CDH13: variants seen among roughly 807,000 people sequenced by gnomAD.
The protein encoded by CDH13 is cadherin 13, also known as cadherin-13.
A neutral mutation model predicts 63.8 loss-of-function variants in CDH13; 24 were observed. The ratio of observed to expected loss-of-function variants is 0.38; its 90% CI spans 0.27 to 0.53. The LOEUF (loss-of-function observed/expected upper bound fraction) is 0.53. Among genes scored for constraint, CDH13 ranks in the 20% least tolerant of loss-of-function variants. CDH13 has a pLI of 0.85. For missense variants in CDH13, 1,049 were observed against 903.1 expected (o/e 1.16, Z -2.07); for synonymous variants, 503 against 355.3 (o/e 1.42, Z -4.67).
Position 83,719,290 on chromosome 16 carries a change from G to A in CDH13, c.1539-28818G>A, listed in dbSNP as rs75118010. Among the ~76,000 whole-genome samples the A allele has an allele frequency of 1.8e-3, 277 of 152,254 alleles. 1 individual carries two copies. Among genetic ancestry groups the A allele is most frequent in the South Asian group, 0.013 (64 of 4,826 alleles). ...CTGTCCACTGTTGAGGGACCACTGC[G>A]TACCAGACCCTATGTGGGATCTGTG... On this transcript the variant is annotated intron_variant, in intron 10 of 13. Transcript: ENST00000567109.
intron 2 of CDH13, among the ~76,000 whole-genome samples, chr16:82,877,106 G>A (rs1205638034): frequency 6.6e-6 from 1 of 152,196 alleles, no homozygotes; most frequent in East Asian, 1.9e-4. Context: ...CCAGAAGATG[G>A]AAGTCAGAAT....
intron 8 of CDH13, among the ~76,000 whole-genome samples, chr16:83,658,246 C>T (rs1408480941): frequency 2.3e-5 from 3 of 129,190 alleles, no homozygotes; most frequent in South Asian, 2.7e-4. Context: ...CAGCAAGGTC[C>T]CATGTCCTCA....
chr16:83,319,840 A>G (rs1168592248), intron 5 of CDH13, among the ~76,000 whole-genome samples: 2 of 152,222 alleles, frequency 1.3e-5, no homozygotes, highest in Non-Finnish European at 2.9e-5. Flanking sequence ...ATTTCAGGGG[A>G]TAAGTGAACA....
intron 7 of CDH13, among the ~76,000 whole-genome samples, chr16:83,507,250 C>T (rs532071723): frequency 1.3e-5 from 2 of 152,160 alleles, no homozygotes; most frequent in African/African-American, 2.4e-5. Context: ...ATTTTTATTA[C>T]AGTCTCTCTC....
chr16:83,062,085 G>C (rs145420176), intron 3 of CDH13, among the ~76,000 whole-genome samples: 1 of 152,314 alleles, frequency 6.6e-6, no homozygotes, highest in African/African-American at 2.4e-5. Context: ...ATGGAGTGCT[G>C]TGGCCTCTCT....
intron 2 of CDH13, among the ~76,000 whole-genome samples, chr16:82,976,169 A>G (rs1247438914): frequency 6.6e-6 from 1 of 152,212 alleles, no homozygotes. Context: ...GGAGACAGTC[A>G]AAGACTCTTC....
At chr16:83,062,135 A>G (rs578060578) in intron 3 of CDH13, among the ~76,000 whole-genome samples, 2 of 152,350 alleles carry the variant, frequency 1.3e-5, no homozygotes, top group South Asian at 2.1e-4. Context: ...CTGGAAAGAC[A>G]GAGCCTGCTC....
At chr16:83,068,327 T>C (rs1018212594) in intron 3 of CDH13, among the ~76,000 whole-genome samples, 2 of 152,182 alleles carry the variant, frequency 1.3e-5, no homozygotes, top group Non-Finnish European at 2.9e-5. Flanking sequence ...CTAGAATAAC[T>C]GAGGCTTATG....
At chr16:83,526,647 C>T (rs571837366) in intron 7 of CDH13, among the ~76,000 whole-genome samples, 2 of 152,266 alleles carry the variant, frequency 1.3e-5, no homozygotes, top group African/African-American at 4.8e-5. Flanking sequence ...GTCCGTGGCC[C>T]GGGGGCTGGC....
chr16:83,431,319 G>A (rs183061380), intron 6 of CDH13, among the ~76,000 whole-genome samples: 8 of 151,964 alleles, frequency 5.3e-5, no homozygotes, highest in South Asian at 2.1e-4. Context: ...AGTTGGCTGC[G>A]TTGAGGAGAC....
intron 7 of CDH13, among the ~76,000 whole-genome samples, chr16:83,497,073 G>C (rs571870352): frequency 5.9e-5 from 9 of 152,282 alleles, no homozygotes; most frequent in South Asian, 2.1e-4. Flanking sequence ...GGACTGTAAA[G>C]TAGTTCAACC....
intron 7 of CDH13, among the ~76,000 whole-genome samples, chr16:83,536,634 T>C (rs923688708): frequency 3.3e-5 from 5 of 152,128 alleles, no homozygotes; most frequent in Non-Finnish European, 5.9e-5. Context: ...TTAAGTTATA[T>C]GGAGATATAT....
intron 10 of CDH13, chr16:83,725,863 A>G (rs1443469816): frequency 6.6e-6 from 1 of 152,244 alleles, no homozygotes; most frequent in Non-Finnish European, 1.5e-5. Context: ...GTGGGCCGTA[A>G]ATCAGCTCCT....
intron 6 of CDH13, among the ~76,000 whole-genome samples, chr16:83,384,727 T>A (rs17212733): frequency 3.3e-5 from 5 of 152,144 alleles, no homozygotes; most frequent in Non-Finnish European, 4.4e-5. Context: ...AAAGGCCTCA[T>A]GTGGATCAAT....
chr16:83,007,777 T>C (rs957095486), intron 2 of CDH13, among the ~76,000 whole-genome samples: 1 of 148,332 alleles, frequency 6.7e-6, no homozygotes, highest in African/African-American at 2.5e-5. Context: ...TGAGCTAAGA[T>C]CACACCACTG....
At chr16:83,742,384 G>C (rs780837241) in intron 10 of CDH13, among the ~76,000 whole-genome samples, 2 of 152,110 alleles carry the variant, frequency 1.3e-5, no homozygotes, top group African/African-American at 2.4e-5. Flanking sequence ...AGCAGCTTCT[G>C]TGAAGCTACA....
chr16:83,264,190 T>C (rs951888424), intron 5 of CDH13, among the ~76,000 whole-genome samples: 1 of 152,198 alleles, frequency 6.6e-6, no homozygotes, highest in Non-Finnish European at 1.5e-5. Context: ...GAATACATTT[T>C]TTTTCATCCA....
intron 7 of CDH13, among the ~76,000 whole-genome samples, chr16:83,519,967 C>T (rs1045199901): frequency 6.6e-6 from 1 of 152,044 alleles, no homozygotes; most frequent in African/African-American, 2.4e-5. Context: ...CAGGTAAAAA[C>T]AGCAAATCAT....
rs549038009 is a variant in CDH13 at position 82,679,996 on chromosome 16, A to G, written c.45+52859A>G. 2.0e-5 allele frequency among the ~76,000 whole-genome samples: 3 copies of G among 152,326 alleles called. No individual in the cohort carries two copies. The South Asian group carries it at 6.2e-4, about 32-fold the overall frequency. ...AAGAAGGACAAGGAAGACCACCACC[A>G]TAACACACGGGTCTTCTTTGGAATG... On this transcript the variant is annotated intron_variant, in intron 1 of 13. Coordinates refer to ENST00000567109, the MANE Select transcript of CDH13 (RefSeq NM_001257.5).
Sources: allele counts gnomAD v4.1 joint callset (sites outside exome capture counted in the v4.1 genomes callset), GRCh38; gene constraint gnomAD v4.1.1; transcripts MANE v1.5; gene names NCBI Gene and HGNC (gene_info 2026-07-23, HGNC 2026-07-21).